Variants in LY75 observed in about 807,000 individuals in gnomAD.
LY75 encodes C-type lectin domain family 13 member B.
Under a neutral mutation model 231.7 loss-of-function variants are expected in LY75, and 185 were observed. The ratio of observed to expected loss-of-function variants is 0.80; its 90% confidence interval spans 0.71 to 0.90. LY75 has a LOEUF of 0.90. LY75 is among the 40% of genes least tolerant of loss of function. The pLI, the probability that LY75 is intolerant of heterozygous loss-of-function variation, is 0.00. For synonymous variants in LY75, 668 were observed against 689.0 expected (o/e 0.97, Z 0.48); for missense variants, 1,947 against 2,050.2 (o/e 0.95, Z 0.97).
In LY75 at chr2:159,803,429, A is replaced by C. The variant is rs970431305; in HGVS notation, c.*1615T>G. On this transcript the variant is annotated 3_prime_UTR_variant, in exon 35 of 35. Transcript: ENST00000263636. ...ATATACAGCTGTGCTTTTCACATCA[A>C]GTTGGCTTAGTTCTTGGAGGAAAGT... 1 of 152,232 alleles carries C rather than the reference A, an allele frequency of 6.6e-6. No homozygotes were observed. The highest frequency in any genetic ancestry group is 2.4e-5 in the African/African-American group (1 of 41,464). The allele number at this position is 152,232 out of a possible 1,614,324, so 9.4% of individuals were successfully genotyped here.
intron 8 of LY75, 53 bp from the exon 9 acceptor site, chr2:159,879,422 T>C (rs1574586458): frequency 1.2e-6 from 2 of 1,605,568 alleles, no homozygotes; most frequent in East Asian, 2.2e-5. Context: ...TTACCGCATA[T>C]TCAGAACTGA....
intron 6 of LY75, among the ~76,000 whole-genome samples, chr2:159,882,963 A>G (rs1296800527): frequency 5.3e-5 from 8 of 152,080 alleles, no homozygotes; most frequent in Non-Finnish European, 1.2e-4. Context: ...TCGAAGGTCT[A>G]ATCTTTCCAG....
chr2:159,890,426 T>G (rs772534324), intron 3 of LY75, 49 bp from the exon 4 acceptor site: 1 of 1,605,668 alleles, frequency 6.2e-7, no homozygotes, highest in Non-Finnish European at 8.5e-7. Flanking sequence ...CATAATGTTT[T>G]CTATTACTTA....
chr2:159,820,526 C>T (rs933318856), intron 28 of LY75, among the ~76,000 whole-genome samples: 2 of 151,896 alleles, frequency 1.3e-5, no homozygotes, highest in South Asian at 4.2e-4. Context: ...TCTGGGAACT[C>T]GGGGGGAAGA....
rs1428825766 is a variant in LY75 at position 159,898,785 on chromosome 2, C to A, written c.369G>T (p.Leu123=). 3 of 1,614,240 alleles carry A rather than the reference C, an allele frequency of 1.9e-6. No homozygotes were observed. The South Asian group carries it at 3.3e-5, about 18-fold the overall frequency. ...CTGTGCCATGTCCATCCTTCAGAGC[C>A]AGCCGGTACCGGGCAGCTCCGTACA... The part of the protein sequence containing the change: ...HSLYGAARYR[L]ALKDGHGTAI... The change falls in exon 2 of 35, where the codon CTG becomes CTT. Residue 123 remains leucine, a synonymous_variant. Coordinates refer to ENST00000263636, the MANE Select transcript of LY75 (RefSeq NM_002349.4).
chr2:159,843,985 C>T lies in LY75; in HGVS notation c.3151-1611G>A, dbSNP rs144175259. ...TAAAATTTTTTAAAAAGCAAAAATG[C>T]TCCTGGATAAGGGTTCTAACATTTT... is the stretch of plus-strand genomic sequence containing the variant. On this transcript the variant is annotated intron_variant, in intron 23 of 34. Coordinates refer to ENST00000263636, the MANE Select transcript of LY75 (RefSeq NM_002349.4). Among the ~76,000 whole-genome samples the T allele has an allele frequency of 1.0e-3, 157 of 152,096 alleles. 2 individuals carry two copies. The highest frequency in any genetic ancestry group is 3.6e-3 in the African/African-American group (148 of 41,486).
chr2:159,859,313 G>T (rs1684629549), intron 15 of LY75, among the ~76,000 whole-genome samples: 1 of 152,134 alleles, frequency 6.6e-6, no homozygotes, highest in Non-Finnish European at 1.5e-5. Context: ...CTTTCCTGTG[G>T]TTTTGTCAGT....
Position 159,853,327 on chromosome 2 carries a change from G to T in LY75, c.2689C>A (p.Pro897Thr), listed in dbSNP as rs144632226. The change falls in exon 20 of 35, where the codon CCT becomes ACT. Residue 897 changes from proline to threonine, a missense_variant. Physicochemically the swap from Pro to Thr is conservative, Grantham distance 38. Transcript: ENST00000263636. ...AAGCATTCCTCTCCAAATGTCACAGGAAAGCGGTGCCATGGATATCGTGAG... is the reference window on the plus strand; with the variant it reads ...AAGCATTCCTCTCCAAATGTCACAGTAAAGCGGTGCCATGGATATCGTGAG... ...TYSRYPWHRF[P>T]VTFGEECLYM... is the part of the protein sequence containing the mutation. The T allele has an allele frequency of 5.7e-5, 92 of 1,613,504 alleles. No individual in the cohort carries two copies. The African/African-American group carries it at 1.0e-3, about 18-fold the overall frequency.
intron 28 of LY75, among the ~76,000 whole-genome samples, chr2:159,827,688 C>G (rs1683515614): frequency 6.6e-6 from 1 of 152,122 alleles, no homozygotes; most frequent in Admixed American, 6.5e-5. Flanking sequence ...ATTCCAATAG[C>G]AAAGACTTGG....
chr2:159,828,923 A>T (rs939918589), intron 28 of LY75, among the ~76,000 whole-genome samples: 1 of 152,200 alleles, frequency 6.6e-6, no homozygotes, highest in African/African-American at 2.4e-5. Flanking sequence ...GTATGATTTC[A>T]TTTATGTAAA....
At chr2:159,842,128 T>C (rs2125847871) in intron 24 of LY75, 117 bp downstream of exon 24, 6 of 1,270,356 alleles carry the variant, frequency 4.7e-6, no homozygotes, top group African/African-American at 3.2e-5. Context: ...TACTACCCAA[T>C]AGGTAATTTT....
At chr2:159,864,371 G>A (rs573741233) in intron 14 of LY75, among the ~76,000 whole-genome samples, 1 of 152,012 alleles carries the variant, frequency 6.6e-6, no homozygotes, top group African/African-American at 2.4e-5. Flanking sequence ...TCATAGTTTG[G>A]GGCCTACCAT....
chr2:159,823,827 G>C (rs1245028693), intron 28 of LY75, among the ~76,000 whole-genome samples: 2 of 152,120 alleles, frequency 1.3e-5, no homozygotes, highest in Non-Finnish European at 2.9e-5. Context: ...TTTCAACCCA[G>C]AATTTCATAT....
intron 12 of LY75, among the ~76,000 whole-genome samples, chr2:159,872,843 A>G (rs1685058750): frequency 6.6e-6 from 1 of 152,166 alleles, no homozygotes; most frequent in African/African-American, 2.4e-5. Flanking sequence ...CTGGGGAACT[A>G]TTCCAACAAG....
At position 159,854,936 on chromosome 2, in the gene LY75, C is replaced by T. The variant is rs115323272; in HGVS notation, c.2387G>A (p.Arg796His). Residue 796 changes from arginine (R) to histidine (H), a missense_variant, in exon 17 of 35, where the codon CGT becomes CAT. Arg to His is a conservative substitution (Grantham distance 29). Coordinates refer to ENST00000263636, the MANE Select transcript of LY75 (RefSeq NM_002349.4). ...GTACCAGTCTGGTGTTTTTGGAGTACGGCCTGTATGAGGAAGAAAGCAAGT... is the reference window on the plus strand; with the variant it reads ...GTACCAGTCTGGTGTTTTTGGAGTATGGCCTGTATGAGGAAGAAAGCAAGT... ...LEWVCQIPKGRTPKTPDWYNP... is the reference protein window; with the variant it reads ...LEWVCQIPKGHTPKTPDWYNP... 66 of 1,613,740 alleles carry T rather than the reference C, an allele frequency of 4.1e-5. No homozygotes were observed. Among genetic ancestry groups the T allele is most frequent in the African/African-American group, 1.2e-4 (9 of 75,014 alleles).
At chr2:159,839,454 T>C (rs1683937066) in intron 25 of LY75, among the ~76,000 whole-genome samples, 1 of 152,234 alleles carries the variant, frequency 6.6e-6, no homozygotes, top group African/African-American at 2.4e-5. Flanking sequence ...CATTCTTTGT[T>C]GGGCTCTGAA....
intron 2 of LY75, among the ~76,000 whole-genome samples, chr2:159,895,748 T>C (rs1213069169): frequency 6.6e-6 from 1 of 152,206 alleles, no homozygotes; most frequent in East Asian, 1.9e-4. Flanking sequence ...TTAAATTTCA[T>C]AGCTCAAAGC....
intron 31 of LY75, chr2:159,812,121 G>A (rs1361863564): frequency 6.6e-6 from 1 of 151,922 alleles, no homozygotes; most frequent in African/African-American, 2.4e-5. Flanking sequence ...GAACTTTTCT[G>A]AATGGTTTGA....
At chr2:159,877,805 G>T (rs1324383528) in intron 11 of LY75, among the ~76,000 whole-genome samples, 5 of 151,696 alleles carry the variant, frequency 3.3e-5, no homozygotes, top group Non-Finnish European at 5.9e-5. Flanking sequence ...GGAGGCAGAG[G>T]TTGCAGTGAG....
Sources: allele counts gnomAD v4.1 joint callset (sites outside exome capture counted in the v4.1 genomes callset), GRCh38; gene constraint gnomAD v4.1.1; transcripts MANE v1.5; gene names NCBI Gene and HGNC (gene_info 2026-07-23, HGNC 2026-07-21).